Variants in SLC14A2 observed in about 807,000 individuals in gnomAD.
SLC14A2 encodes the protein solute carrier family 14 member 2.
SLC14A2 carries 91 observed loss-of-function variants against 104.6 expected under a neutral mutation model. That is an observed-to-expected ratio of 0.87 (90% CI 0.73 to 1.04). The LOEUF (loss-of-function observed/expected upper bound fraction) is 1.04, where lower values mean the gene tolerates loss of function less well. Ranked by LOEUF, SLC14A2 falls within the 50% of genes least tolerant of loss-of-function variation. The pLI is 0.00. For missense variants in SLC14A2, 1,189 were observed against 1,156.0 expected, an observed-to-expected ratio of 1.03 and a Z score of -0.41; for synonymous variants, 476 against 466.4, an observed-to-expected ratio of 1.02 and a Z score of -0.27.
In SLC14A2 at chr18:45,523,346, T is replaced by C. The variant is rs536177571; in HGVS notation, c.-35+40024T>C. Among the ~76,000 whole-genome samples, 10 of 152,082 alleles carry C rather than the reference T, an allele frequency of 6.6e-5. No homozygotes were observed. In the South Asian group the frequency reaches 2.1e-3, roughly 32 times the overall value. ...TTTTTTGTTTCTTTGTTTGTTTGTT[T>C]TGAGATGGAATCTCACTCTGTCACC... On this transcript the variant is annotated intron_variant, in intron 2 of 20. Transcript: ENST00000586448.
chr18:45,571,179 A>T (rs2044340394), intron 2 of SLC14A2, among the ~76,000 whole-genome samples: 1 of 152,254 alleles, frequency 6.6e-6, no homozygotes, highest in Non-Finnish European at 1.5e-5. Context: ...AATAAATAAC[A>T]CACTCAAAGA....
chr18:45,197,232 A>G, the SLC14A2 span, among the ~76,000 whole-genome samples: 12 of 152,322 alleles, frequency 7.9e-5, 1 homozygote, highest in South Asian at 2.5e-3. Flanking sequence ...ATACATAATT[A>G]TATTTTAGAT....
intron 15 of SLC14A2, 137 bp from the exon 16 acceptor site, chr18:45,669,169 C>G: frequency 1.4e-6 from 1 of 691,492 alleles, no homozygotes; most frequent in South Asian, 2.0e-5. Context: ...AAGACCTGCT[C>G]AGGGCCAGTC....
intron 2 of SLC14A2, among the ~76,000 whole-genome samples, chr18:45,577,047 C>G (rs1432083107): frequency 1.3e-5 from 2 of 152,082 alleles, no homozygotes; most frequent in Non-Finnish European, 2.9e-5. Context: ...AGGCCTGAAA[C>G]AGAGAGGTCT....
intron 1 of SLC14A2, among the ~76,000 whole-genome samples, chr18:45,341,605 T>C (rs921613959): frequency 6.9e-6 from 1 of 145,254 alleles, no homozygotes; most frequent in Non-Finnish European, 1.5e-5. Flanking sequence ...CTTTTTTTTT[T>C]TTTTTTTTTT....
chr18:45,199,911 A>AG, the SLC14A2 span, among the ~76,000 whole-genome samples: 1 of 152,126 alleles, frequency 6.6e-6, no homozygotes, highest in African/African-American at 2.4e-5. Context: ...GGCAGGCAAG[A>AG]GGGGATGTTC....
intron 1 of SLC14A2, among the ~76,000 whole-genome samples, chr18:45,412,809 C>T (rs1299945435): frequency 2.0e-5 from 3 of 152,128 alleles, no homozygotes; most frequent in Non-Finnish European, 4.4e-5. Context: ...ACCAAATGCT[C>T]ATATGGCCAG....
At chr18:45,314,136 A>T (rs2085105585) in intron 1 of SLC14A2, among the ~76,000 whole-genome samples, 1 of 152,228 alleles carries the variant, frequency 6.6e-6, no homozygotes, top group Non-Finnish European at 1.5e-5. Context: ...CTTCATGGCC[A>T]CAGAGGCCAA....
chr18:45,200,583 C>A, the SLC14A2 span, among the ~76,000 whole-genome samples: 1 of 151,778 alleles, frequency 6.6e-6, no homozygotes, highest in African/African-American at 2.4e-5. Flanking sequence ...CCATTTCTAC[C>A]CTCAAAGTCA....
chr18:45,592,397 T>A (rs1300327313), intron 2 of SLC14A2, among the ~76,000 whole-genome samples: 1 of 152,204 alleles, frequency 6.6e-6, no homozygotes, highest in Non-Finnish European at 1.5e-5. Context: ...GGATATCAGA[T>A]GGAACTGGTT....
At chr18:45,289,134 G>A (rs2084844658) in intron 1 of SLC14A2, among the ~76,000 whole-genome samples, 1 of 152,180 alleles carries the variant, frequency 6.6e-6, no homozygotes, top group Non-Finnish European at 1.5e-5. Context: ...GACGAGTGCT[G>A]GCAGGGGCTG....
At chr18:45,597,115 C>T (rs1599045662) in intron 2 of SLC14A2, among the ~76,000 whole-genome samples, 3 of 152,284 alleles carry the variant, frequency 2.0e-5, no homozygotes, top group East Asian at 1.9e-4. Context: ...GTCAGGAGTT[C>T]GAGACCAGCC....
intron 1 of SLC14A2, among the ~76,000 whole-genome samples, chr18:45,252,392 G>C (rs1044102672): frequency 4.6e-5 from 7 of 152,070 alleles, no homozygotes; most frequent in African/African-American, 1.7e-4. Flanking sequence ...TTTTAAGAGG[G>C]GTGTCCCTCA....
chr18:45,470,369 A>G (rs911622449), intron 1 of SLC14A2, among the ~76,000 whole-genome samples: 2 of 152,152 alleles, frequency 1.3e-5, no homozygotes, highest in African/African-American at 4.8e-5. Context: ...TGCTCATAGC[A>G]CAAAATTGTT....
intron 2 of SLC14A2, among the ~76,000 whole-genome samples, chr18:45,606,069 C>A (rs1484871): frequency 1.3e-5 from 2 of 151,920 alleles, no homozygotes; most frequent in African/African-American, 2.4e-5. Flanking sequence ...CAGCTGGAGG[C>A]GGGGAGGTGA....
intron 1 of SLC14A2, among the ~76,000 whole-genome samples, chr18:45,458,086 G>A (rs2086977050): frequency 6.6e-6 from 1 of 152,218 alleles, no homozygotes; most frequent in Non-Finnish European, 1.5e-5. Context: ...AAGAGCCTGG[G>A]CTGGGGATTT....
intron 1 of SLC14A2, among the ~76,000 whole-genome samples, chr18:45,277,749 T>A (rs547313719): frequency 6.6e-6 from 1 of 152,334 alleles, no homozygotes; most frequent in East Asian, 1.9e-4. Context: ...CTTATAAAGT[T>A]GTTTTGAAGA....
At chr18:45,424,722 A>T (rs2086399947) in intron 1 of SLC14A2, among the ~76,000 whole-genome samples, 1 of 152,228 alleles carries the variant, frequency 6.6e-6, no homozygotes, top group Non-Finnish European at 1.5e-5. Flanking sequence ...CAAGAAGGTA[A>T]GAGACTTTTC....
At chr18:45,378,380 C>T (rs948370497) in intron 1 of SLC14A2, among the ~76,000 whole-genome samples, 5 of 152,122 alleles carry the variant, frequency 3.3e-5, no homozygotes, top group Non-Finnish European at 5.9e-5. Flanking sequence ...GCTGTTATAG[C>T]ACAGTTAACA....
Sources: gnomAD v4.1 joint callset for allele counts (sites outside exome capture counted in the v4.1 genomes callset) on GRCh38, gnomAD v4.1.1 for gene constraint, MANE v1.5 for transcripts, NCBI Gene and HGNC (gene_info 2026-07-23, HGNC 2026-07-21) for gene names.